RANBP3L: variants seen among roughly 807,000 people sequenced by gnomAD.
RANBP3L encodes the protein ran-binding protein 3-like.
A neutral mutation model predicts 67.2 loss-of-function variants in RANBP3L; 56 were observed. The ratio of observed to expected loss-of-function variants is 0.83; its 90% CI spans 0.67 to 1.04. The LOEUF is 1.04. Among genes scored for constraint, RANBP3L ranks in the 50% least tolerant of loss-of-function variants. The probability of loss-of-function intolerance (pLI) is 0.00; values close to 1 mark genes in which losing one functional copy is unlikely to be tolerated. For missense variants in RANBP3L, 496 were observed against 535.5 expected (o/e 0.93, Z 0.73); for synonymous variants, 164 against 181.4 (o/e 0.90, Z 0.77).
intron 12 of RANBP3L, among the ~76,000 whole-genome samples, chr5:36,251,740 T>C (rs1486589497): frequency 1.3e-5 from 2 of 152,118 alleles, no homozygotes; most frequent in Non-Finnish European, 2.9e-5. Flanking sequence ...AAAGTGAAAT[T>C]TTGTTATATA....
rs1579681260 is a variant in RANBP3L, at chr5:36,257,144, T to C, written c.773-73A>G. ...CTGTGAAAGTTCTTTGTTGCCCCTATTACCACATATATCTACTTGGCTTCT... is the reference window on the plus strand; with the variant it reads ...CTGTGAAAGTTCTTTGTTGCCCCTACTACCACATATATCTACTTGGCTTCT... On this transcript the variant is annotated intron_variant, in intron 9 of 13. Transcript: ENST00000296604. The C allele has an allele frequency of 1.3e-5, 17 of 1,289,482 alleles. No individual in the cohort carries two copies. The East Asian group carries it at 3.7e-4, about 28-fold the overall frequency. The allele number at this position is 1,289,482 out of a possible 1,614,324, so 79.9% of individuals were successfully genotyped here.
chr5:36,266,086 C>A (rs1340735962), intron 4 of RANBP3L, among the ~76,000 whole-genome samples: 1 of 150,774 alleles, frequency 6.6e-6, no homozygotes, highest in African/African-American at 2.4e-5. Context: ...AAAAGGCAGT[C>A]TTTTTTTTGA....
rs1020640405 is a variant in RANBP3L, at chr5:36,301,408, G to A, written c.9C>T (p.Thr3=). MT[T]IPRKGSSHLP... is the part of the protein sequence containing the mutation. ...GGTGGCTGCTGCCTTTTCTTGGTAT[G>A]GTAGTCATGGTCCTAGCAGTATGGC... Residue 3 remains threonine (T), a synonymous_variant, in exon 1 of 14, where the codon ACC becomes ACT. Transcript: ENST00000296604. The A allele has an allele frequency of 6.2e-7, 1 of 1,613,008 alleles. No individual in the cohort carries two copies.
chr5:36,299,806 A>G (rs1341259955), intron 1 of RANBP3L, among the ~76,000 whole-genome samples: 1 of 152,236 alleles, frequency 6.6e-6, no homozygotes, highest in Admixed American at 6.5e-5. Context: ...AGGTTGTAGA[A>G]GAATATTTAA....
In RANBP3L at chr5:36,265,542, T is replaced by C. The variant is rs1749702325; in HGVS notation, c.269-22A>G. 8 of 1,413,034 alleles carry C rather than the reference T, an allele frequency of 5.7e-6. No individual in the cohort carries two copies. In the South Asian group the frequency reaches 5.9e-5, roughly 10 times the overall value. The allele number at this position is 1,413,034 out of a possible 1,614,324, so 87.5% of individuals were successfully genotyped here. A position where few individuals can be genotyped will look rare whatever the true frequency, so the allele number is the denominator to read the frequency against. On this transcript the variant is annotated intron_variant, in intron 4 of 13. Transcript: ENST00000296604. ...CTCACTGTAAGAAAAAATATTTAAA[T>C]TTTTTTAAATACAGAAGAGTGTCAG...
intron 1 of RANBP3L, among the ~76,000 whole-genome samples, chr5:36,281,292 C>T (rs756292854): frequency 1.3e-5 from 2 of 152,140 alleles, no homozygotes; most frequent in Non-Finnish European, 2.9e-5. Context: ...CAGTGCCTGC[C>T]TCATAAGAAA....
At position 36,301,610 on chromosome 5, in the gene RANBP3L, C is replaced by T. The variant is rs923950918; in HGVS notation, c.-194G>A. 3.8e-5 allele frequency: 19 copies of T among 497,206 alleles called. No homozygotes were observed. The South Asian group carries it at 6.1e-4, about 16-fold the overall frequency. The allele number at this position is 497,206 out of a possible 1,614,324, so 30.8% of individuals were successfully genotyped here. On this transcript the variant is annotated 5_prime_UTR_variant, in exon 1 of 14. Transcript: ENST00000296604. ...CATGATTCTTGAAATAAATAATCAC[C>T]AATGTTACTTCTCCTAAATATAAAG...
At chr5:36,252,377 C>G (rs1389328297) in intron 12 of RANBP3L, among the ~76,000 whole-genome samples, 1 of 152,012 alleles carries the variant, frequency 6.6e-6, no homozygotes, top group African/African-American at 2.4e-5. Context: ...TGAAGACACT[C>G]ATTAACATTG....
chr5:36,272,050 T>C (rs1750253197), intron 1 of RANBP3L, among the ~76,000 whole-genome samples: 1 of 152,162 alleles, frequency 6.6e-6, no homozygotes, highest in Non-Finnish European at 1.5e-5. Flanking sequence ...GATAGGCATG[T>C]GTTCAAATAT....
At chr5:36,270,168 C>T (rs1750109578) in intron 2 of RANBP3L, among the ~76,000 whole-genome samples, 178 bp from the exon 3 acceptor site, 1 of 152,206 alleles carries the variant, frequency 6.6e-6, no homozygotes, top group Non-Finnish European at 1.5e-5. Flanking sequence ...GAAGCCAGGG[C>T]TAATAAGCCC....
In RANBP3L at chr5:36,290,235, T is replaced by TC. The variant is rs72049590; in HGVS notation, c.91+11090_91+11091insG. On this transcript the variant is annotated intron_variant, in intron 1 of 13. Coordinates refer to ENST00000296604, the MANE Select transcript of RANBP3L (RefSeq NM_145000.5). ...TCTCTCTGTCTCACCTTTTTTTTTT[T>TC]TTCTTAGAGCCTCACTCCATTGCAC... Among the ~76,000 whole-genome samples the TC allele has an allele frequency of 6.0e-3, 906 of 151,690 alleles. 10 individuals carry two copies. Among genetic ancestry groups the TC allele is most frequent in the African/African-American group, 0.021 (875 of 41,316 alleles).
At position 36,268,371 on chromosome 5, in the gene RANBP3L, G is replaced by A. The variant is rs552129415; in HGVS notation, c.268+1019C>T. ...GAAAAATTTCTGTATCACTAATTTA[G>A]AAAAATCTTTTTATTTCTATTAATA... On this transcript the variant is annotated intron_variant, in intron 4 of 13. Coordinates refer to ENST00000296604, the MANE Select transcript of RANBP3L (RefSeq NM_145000.5). 20 of 613,712 alleles carry A rather than the reference G, an allele frequency of 3.3e-5. No individual in the cohort carries two copies. The African/African-American group carries it at 3.9e-4, about 12-fold the overall frequency. 38.0% of individuals were successfully genotyped at this position (613,712 alleles called of 1,614,324 possible).
chr5:36,254,120 C>A (rs1438977861), intron 11 of RANBP3L, among the ~76,000 whole-genome samples: 1 of 151,666 alleles, frequency 6.6e-6, no homozygotes, highest in East Asian at 1.9e-4. Flanking sequence ...CTTAAGTGTC[C>A]AAAAAATGGA....
rs1561098240 is a variant in RANBP3L, at chr5:36,256,979, C to T, written c.865G>A (p.Val289Ile). 1 of 1,613,108 alleles carries T rather than the reference C, an allele frequency of 6.2e-7. No individual in the cohort carries two copies. Among genetic ancestry groups the T allele is most frequent in the Non-Finnish European group, 8.5e-7 (1 of 1,179,354 alleles). Residue 289 changes from valine to isoleucine, a missense_variant, in exon 10 of 14, where the codon GTT becomes ATT. Val to Ile is a conservative substitution (Grantham distance 29). Coordinates refer to ENST00000296604, the MANE Select transcript of RANBP3L (RefSeq NM_145000.5). Reference sequence around the variant, plus strand: ...TGTTCTGTTTCCTCCCCTGTTATAACATCAATTTTCTCCAGCAAGCATTTT... The same window carrying T: ...TGTTCTGTTTCCTCCCCTGTTATAATATCAATTTTCTCCAGCAAGCATTTT... Reference protein sequence around the residue: ...SRKCLLEKIDVITGEETEHNV... With the variant: ...SRKCLLEKIDIITGEETEHNV...
Position 36,249,670 on chromosome 5 carries a change from G to A in RANBP3L, c.1382C>T (p.Ser461Leu), listed in dbSNP as rs770112171. Residue 461 changes from serine (S) to leucine (L), a missense_variant, in exon 14 of 14, where the codon TCG (serine) becomes TTG (leucine). Transcript: ENST00000296604. ...SDPSSWTHRQ[S>L]VACS ...AGGTAGTATTCATGAACAGGCAACCGACTGTCTGTGAGTCCAACTAGAAGG... is the reference window on the plus strand; with the variant it reads ...AGGTAGTATTCATGAACAGGCAACCAACTGTCTGTGAGTCCAACTAGAAGG... The A allele has an allele frequency of 3.9e-6, 6 of 1,557,910 alleles. No homozygotes were observed. Among genetic ancestry groups the A allele is most frequent in the East Asian group, 2.3e-5 (1 of 43,404 alleles).
chr5:36,277,974 C>T (rs1343663111), intron 1 of RANBP3L, among the ~76,000 whole-genome samples: 1 of 152,118 alleles, frequency 6.6e-6, no homozygotes, highest in Non-Finnish European at 1.5e-5. Context: ...CACCAGATCT[C>T]GTGAGACTTA....
chr5:36,259,582 T>TAAA (rs201276304), intron 8 of RANBP3L, among the ~76,000 whole-genome samples: 6 of 140,172 alleles, frequency 4.3e-5, no homozygotes, highest in East Asian at 2.0e-4. Flanking sequence ...GACCTCATCT[T>TAAA]AAAAAAAAAA....
chr5:36,278,518 A>C (rs1451141448), intron 1 of RANBP3L, among the ~76,000 whole-genome samples: 1 of 152,192 alleles, frequency 6.6e-6, no homozygotes, highest in Non-Finnish European at 1.5e-5. Context: ...AACTGAGATC[A>C]AATTTAGGAA....
intron 1 of RANBP3L, among the ~76,000 whole-genome samples, chr5:36,297,168 A>G (rs1346679512): frequency 6.6e-6 from 1 of 152,164 alleles, no homozygotes. Flanking sequence ...TATGTGTTAT[A>G]TACTGTATTC....
Sources: gnomAD v4.1 joint callset for allele counts (sites outside exome capture counted in the v4.1 genomes callset) on GRCh38, gnomAD v4.1.1 for gene constraint, MANE v1.5 for transcripts, NCBI Gene and HGNC (gene_info 2026-07-23, HGNC 2026-07-21) for gene names.